The following FIG4 variants were observed in gnomAD, a reference collection of about 807,000 sequenced individuals.
FIG4 encodes the protein FIG4 phosphoinositide 5-phosphatase.
Under a neutral mutation model 118.6 loss-of-function variants are expected in FIG4, and 112 were observed. The observed-to-expected ratio is 0.94, with a 90% CI of 0.81 to 1.11. The LOEUF is 1.11. Among genes scored for constraint, FIG4 ranks in the 50% least tolerant of loss-of-function variants. The probability of loss-of-function intolerance (pLI) is 0.00; values close to 1 mark genes in which losing one functional copy is unlikely to be tolerated. For missense variants in FIG4, 969 were observed against 1,111.7 expected (o/e 0.87, Z 1.83); for synonymous variants, 369 against 381.2 (o/e 0.97, Z 0.37).
At chr6:109,811,594 A>G (rs536636800) in intron 22 of FIG4, among the ~76,000 whole-genome samples, 1 of 152,352 alleles carries the variant, frequency 6.6e-6, no homozygotes, top group East Asian at 1.9e-4. Flanking sequence ...GGGACATAGT[A>G]GAAAACAAGA....
At chr6:109,701,212 T>C (rs531558936) in intron 1 of FIG4, among the ~76,000 whole-genome samples, 7 of 152,178 alleles carry the variant, frequency 4.6e-5, no homozygotes, top group Non-Finnish European at 1.0e-4. Context: ...GGGTTGGCCC[T>C]TTCCCAAACT....
At chr6:109,735,080 A>G (rs1776120242) in intron 5 of FIG4, 70 bp from the exon 6 acceptor site, 22 of 1,326,246 alleles carry the variant, frequency 1.7e-5, no homozygotes, top group Middle Eastern at 1.8e-4. Context: ...TTTTAATTCT[A>G]TATGGGCGCC....
chr6:109,712,433 T>G (rs1775294422), intron 1 of FIG4, among the ~76,000 whole-genome samples: 1 of 152,140 alleles, frequency 6.6e-6, no homozygotes, highest in South Asian at 2.1e-4. Context: ...ACTCAGAGGG[T>G]TTGTTCATAC....
Position 109,691,334 on chromosome 6 carries a change from T to C in FIG4, c.-102T>C. The C allele has an allele frequency of 2.1e-6, 2 of 937,888 alleles. No homozygotes were observed. Among genetic ancestry groups the C allele is most frequent in the South Asian group, 1.4e-5 (1 of 71,792 alleles). 58.1% of individuals were successfully genotyped at this position (937,888 alleles called of 1,614,324 possible). The stretch of plus-strand genomic sequence containing the variant: ...TTTAGTGCCTAATGGGTGTTGTTCC[T>C]GGCTGGACTTGATGTCCAGGGCCTG... On this transcript the variant is annotated 5_prime_UTR_variant, in exon 1 of 23. Transcript: ENST00000230124.
intron 8 of FIG4, 150 bp from the exon 9 acceptor site, chr6:109,742,960 T>G: frequency 1.4e-6 from 1 of 694,728 alleles, no homozygotes; most frequent in East Asian, 2.8e-5. Context: ...ATGTGCATAT[T>G]GAATATTGAT....
chr6:109,818,260 G>A (rs1323169397), intron 22 of FIG4, among the ~76,000 whole-genome samples: 1 of 151,996 alleles, frequency 6.6e-6, no homozygotes, highest in Non-Finnish European at 1.5e-5. Flanking sequence ...GAGGGCAATG[G>A]CGCGATCTTG....
intron 22 of FIG4, among the ~76,000 whole-genome samples, chr6:109,821,206 C>A (rs552283273): frequency 3.3e-4 from 50 of 152,260 alleles, no homozygotes; most frequent in African/African-American, 1.2e-3. Flanking sequence ...GGAGAAAGCC[C>A]AGACAACATT....
chr6:109,744,030 C>T (rs1444831818), intron 10 of FIG4, among the ~76,000 whole-genome samples: 1 of 152,024 alleles, frequency 6.6e-6, no homozygotes, highest in Non-Finnish European at 1.5e-5. Context: ...ATCAGGAAAT[C>T]ATTGTGTCCT....
At chr6:109,812,227 C>T (rs1778738237) in intron 22 of FIG4, among the ~76,000 whole-genome samples, 1 of 152,076 alleles carries the variant, frequency 6.6e-6, no homozygotes, top group Non-Finnish European at 1.5e-5. Context: ...TCAAGCAAAC[C>T]CCTTTTCTCT....
At chr6:109,697,491 C>A (rs936912504) in intron 1 of FIG4, among the ~76,000 whole-genome samples, 9 of 152,184 alleles carry the variant, frequency 5.9e-5, no homozygotes, top group Non-Finnish European at 1.3e-4. Flanking sequence ...CTTCTTGCAT[C>A]ATGGACATTT....
At chr6:109,793,210 G>A (rs1477682999) in intron 21 of FIG4, among the ~76,000 whole-genome samples, 1 of 152,210 alleles carries the variant, frequency 6.6e-6, no homozygotes, top group Non-Finnish European at 1.5e-5. Context: ...CAAAGTACCA[G>A]TACATTCCTG....
chr6:109,782,906 G>C (rs985802859), intron 16 of FIG4, among the ~76,000 whole-genome samples: 4 of 152,154 alleles, frequency 2.6e-5, no homozygotes, highest in Admixed American at 6.5e-5. Flanking sequence ...TATGTTGCTG[G>C]GATCAACATC....
At chr6:109,695,601 GACACACACAC>G in intron 1 of FIG4, among the ~76,000 whole-genome samples, 2 of 99,268 alleles carry the variant, frequency 2.0e-5, no homozygotes, top group East Asian at 5.1e-4. Flanking sequence ...CACACACACA[GACACACACAC>G]ACACACACAC....
At chr6:109,804,634 TG>T (rs1220346752) in intron 22 of FIG4, among the ~76,000 whole-genome samples, 1 of 152,204 alleles carries the variant, frequency 6.6e-6, no homozygotes, top group African/African-American at 2.4e-5. Flanking sequence ...CAATTTTCCA[TG>T]TTAAGTATTT....
intron 22 of FIG4, among the ~76,000 whole-genome samples, chr6:109,814,242 G>A (rs910716303): frequency 5.3e-5 from 8 of 152,050 alleles, no homozygotes; most frequent in Non-Finnish European, 1.2e-4. Flanking sequence ...CGGCTCAAGC[G>A]ATACTCCCAC....
intron 10 of FIG4, among the ~76,000 whole-genome samples, chr6:109,757,118 C>T (rs1776937445): frequency 6.6e-6 from 1 of 152,162 alleles, no homozygotes; most frequent in Non-Finnish European, 1.5e-5. Context: ...GTCTGGCTAA[C>T]AGTCTATTTT....
rs1777240767 is a variant in FIG4, at chr6:109,765,090, T to C, written c.1512T>C (p.Ala504=). The C allele has an allele frequency of 6.2e-7, 1 of 1,613,950 alleles. No individual in the cohort carries two copies. Among genetic ancestry groups the C allele is most frequent in the Non-Finnish European group, 8.5e-7 (1 of 1,179,822 alleles). Residue 504 remains alanine, a synonymous_variant, in exon 14 of 23, where the codon GCT becomes GCC. Transcript: ENST00000230124. ...NTAQFMVGKC[A]LAYQLYSLGL... is the part of the protein sequence containing the mutation. ...CACAGTTTATGGTGGGAAAATGTGC[T>C]CTGGCCTATCAGCTGTATTCACTGG...
intron 22 of FIG4, among the ~76,000 whole-genome samples, chr6:109,817,272 C>T (rs956770999): frequency 2.6e-5 from 4 of 152,068 alleles, no homozygotes; most frequent in Admixed American, 6.5e-5. Context: ...AAACAACAGC[C>T]GAAATGTTTG....
At chr6:109,752,000 C>T in intron 10 of FIG4, among the ~76,000 whole-genome samples, 1 of 112,298 alleles carries the variant, frequency 8.9e-6, no homozygotes, top group Non-Finnish European at 1.8e-5. Flanking sequence ...CCCCCCACCC[C>T]ACAACAGTCC....
Sources: allele counts gnomAD v4.1 joint callset (sites outside exome capture counted in the v4.1 genomes callset), GRCh38; gene constraint gnomAD v4.1.1; transcripts MANE v1.5; gene names NCBI Gene and HGNC (gene_info 2026-07-23, HGNC 2026-07-21).